Variants in FMO4 observed in about 807,000 individuals in gnomAD.
The protein encoded by FMO4 is flavin containing dimethylaniline monoxygenase 4.
Under a neutral mutation model 43.3 loss-of-function variants are expected in FMO4, and 38 were observed. That is an observed-to-expected ratio of 0.88 (90% CI 0.68 to 1.15). FMO4 has a LOEUF of 1.15. FMO4 is among the 50% of genes most tolerant of loss of function. The pLI is 0.00. For missense variants in FMO4, 631 were observed against 663.3 expected (o/e 0.95, Z 0.54); for synonymous variants, 224 against 232.2 (o/e 0.96, Z 0.32).
chr1:171,328,924 C>CA (rs3216452), intron 5 of FMO4, among the ~76,000 whole-genome samples: 27,489 of 151,028 alleles, frequency 0.18, 2,695 homozygotes, highest in African/African-American at 0.25. Context: ...CACCCAAAAA[C>CA]AAAAAAAAAT....
At chr1:171,321,059 A>AT (rs142389978) in intron 3 of FMO4, among the ~76,000 whole-genome samples, 6,663 of 152,088 alleles carry the variant, frequency 0.044, 458 homozygotes, top group African/African-American at 0.15. Context: ...GAAAAAAAAA[A>AT]TGGTATATTG....
chr1:171,322,964 T>C (rs766664419), intron 3 of FMO4, 40 bp from the exon 4 acceptor site: 1 of 1,504,284 alleles, frequency 6.6e-7, no homozygotes, highest in Non-Finnish European at 9.2e-7. Flanking sequence ...CTTCCTCCTA[T>C]CTCCATTATC....
rs1447416243 is a variant in FMO4, at chr1:171,337,394, G to C, written c.1219G>C (p.Glu407Gln). The change falls in exon 9 of 10, where the codon GAG (glutamate) becomes CAG (glutamine). Residue 407 changes from glutamate to glutamine, a missense_variant. Physicochemically the swap from Glu to Gln is conservative, Grantham distance 29 (BLOSUM62 2). Coordinates refer to ENST00000367749, the MANE Select transcript of FMO4 (RefSeq NM_002022.3). ...ACCTCCATCCCAAAAATTGATGATG[G>C]AGGCTACTGAAAAGGAACAGCTCAT... Reference protein sequence around the residue: ...KIPPSQKLMMEATEKEQLIKR... With the variant: ...KIPPSQKLMMQATEKEQLIKR... The C allele has an allele frequency of 6.2e-7, 1 of 1,612,908 alleles. No individual in the cohort carries two copies. The highest frequency in any genetic ancestry group is 1.3e-5 in the African/African-American group (1 of 74,876).
Position 171,341,723 on chromosome 1 carries a change from C to A in FMO4, c.1561C>A (p.Pro521Thr). The change falls in exon 10 of 10, where the codon CCT (proline) becomes ACT (threonine). Residue 521 changes from proline to threonine, a missense_variant. Transcript: ENST00000367749. ...MSHYLKAWGA[P>T]VLLASLLLIC... ...ACATTATTTAAAAGCCTGGGGGGCA[C>A]CTGTCCTACTTGCCTCTCTTCTACT... 6.2e-7 allele frequency: 1 copy of A among 1,613,828 alleles called. No individual in the cohort carries two copies. Among genetic ancestry groups the A allele is most frequent in the Non-Finnish European group, 8.5e-7 (1 of 1,179,906 alleles).
intron 8 of FMO4, among the ~76,000 whole-genome samples, chr1:171,335,140 T>G (rs1220277401): frequency 2.0e-5 from 3 of 152,218 alleles, no homozygotes; most frequent in Non-Finnish European, 2.9e-5. Flanking sequence ...TAATATACAC[T>G]ATGAATGAAG....
intron 2 of FMO4, among the ~76,000 whole-genome samples, chr1:171,318,486 A>G (rs1178775946): frequency 6.6e-6 from 1 of 152,030 alleles, no homozygotes; most frequent in Non-Finnish European, 1.5e-5. Flanking sequence ...CCCCATTTCT[A>G]TTTAAAAAAA....
At chr1:171,321,527 C>G (rs1001942871) in intron 3 of FMO4, among the ~76,000 whole-genome samples, 2 of 152,240 alleles carry the variant, frequency 1.3e-5, no homozygotes, top group Admixed American at 1.3e-4. Flanking sequence ...AGCTGTTACA[C>G]TGTAATGTTT....
intron 6 of FMO4, 60 bp downstream of exon 6, chr1:171,331,842 G>C: frequency 6.7e-7 from 1 of 1,496,486 alleles, no homozygotes; most frequent in Non-Finnish European, 9.2e-7. Flanking sequence ...GCTGGAAAGA[G>C]ATATTCAAAA....
chr1:171,334,643 C>T lies in FMO4; in HGVS notation c.1060C>T (p.Gln354Ter). ...TACAAAGAAGATATTTCTATACAAG[C>T]AAGTCTTTCCCTTAAACCTAGAGAG... ...LCTKKIFLYK[Q>*]VFPLNLERAT... The change falls in exon 8 of 10, where the codon CAA becomes TAA. Residue 354 changes from glutamine (Q) to a stop codon, truncating the protein, a stop_gained. Transcript: ENST00000367749. LOFTEE classifies it high-confidence loss of function. 1 of 1,613,092 alleles carries T rather than the reference C, an allele frequency of 6.2e-7. No individual in the cohort carries two copies. Among genetic ancestry groups the T allele is most frequent in the Non-Finnish European group, 8.5e-7 (1 of 1,179,078 alleles).
At chr1:171,338,198 A>G (rs1017945034) in intron 9 of FMO4, among the ~76,000 whole-genome samples, 1 of 151,884 alleles carries the variant, frequency 6.6e-6, no homozygotes, top group Non-Finnish European at 1.5e-5. Flanking sequence ...GCTCCTACCT[A>G]CCAAATAAAT....
chr1:171,327,451 T>G (rs1281950614), intron 5 of FMO4, among the ~76,000 whole-genome samples: 2 of 152,126 alleles, frequency 1.3e-5, no homozygotes, highest in East Asian at 1.9e-4. Context: ...GTTTTGTTTG[T>G]TTGGTTGGTT....
chr1:171,328,458 C>T (rs1017714255), intron 5 of FMO4, among the ~76,000 whole-genome samples: 1 of 152,058 alleles, frequency 6.6e-6, no homozygotes, highest in Non-Finnish European at 1.5e-5. Flanking sequence ...TGAGACCAGC[C>T]TGGACAACAT....
chr1:171,328,510 C>A lies in FMO4; in HGVS notation c.485-3130C>A, dbSNP rs144863109. ...GCTAAAAATACAAAAATTATCCGGG[C>A]ATGGTGGCACGCACCTGTAATCCCA... On this transcript the variant is annotated intron_variant, in intron 5 of 9. Transcript: ENST00000367749. 3.6e-3 allele frequency among the ~76,000 whole-genome samples: 545 copies of A among 152,162 alleles called. 3 individuals are homozygous for A. The highest frequency in any genetic ancestry group is 0.012 in the African/African-American group (502 of 41,550).
intron 5 of FMO4, 136 bp downstream of exon 5, chr1:171,324,436 ATTACT>A (rs1012591844): frequency 9.4e-5 from 60 of 636,760 alleles, no homozygotes; most frequent in African/African-American, 9.0e-4. Context: ...TATGTGCAAA[ATTACT>A]TTAAAAGTTG....
chr1:171,328,478 T>C (rs772608317), intron 5 of FMO4, among the ~76,000 whole-genome samples: 1 of 152,012 alleles, frequency 6.6e-6, no homozygotes, highest in Non-Finnish European at 1.5e-5. Flanking sequence ...TGCGAAACAC[T>C]GTCTCTGCTA....
chr1:171,329,633 G>A (rs758343235), intron 5 of FMO4, among the ~76,000 whole-genome samples: 1 of 152,150 alleles, frequency 6.6e-6, no homozygotes, highest in South Asian at 2.1e-4. Flanking sequence ...CAAACATGAA[G>A]GTCTCGCTCA....
At chr1:171,332,072 C>G (rs1014564150) in intron 6 of FMO4, among the ~76,000 whole-genome samples, 2 of 152,128 alleles carry the variant, frequency 1.3e-5, no homozygotes, top group African/African-American at 4.8e-5. Flanking sequence ...GAAACAAGAC[C>G]ATATAGGCAA....
chr1:171,325,817 C>CTTTTTTTTTTTTTTTTTTTTT lies in FMO4; in HGVS notation c.484+1545_484+1565dup, dbSNP rs869107866. Among the ~76,000 whole-genome samples, 3 of 51,032 alleles carry CTTTTTTTTTTTTTTTTTTTTT rather than the reference C, an allele frequency of 5.9e-5. 1 individual carries two copies. Among genetic ancestry groups the CTTTTTTTTTTTTTTTTTTTTT allele is most frequent in the Non-Finnish European group, 1.2e-4 (3 of 24,830 alleles). The allele number at this position is 51,032 out of a possible 152,430, so 33.5% of individuals were successfully genotyped here. On this transcript the variant is annotated intron_variant, in intron 5 of 9. Coordinates refer to ENST00000367749, the MANE Select transcript of FMO4 (RefSeq NM_002022.3). ...TAAATTCAGTTCCACATAGACTATC[C>CTTTTTTTTTTTTTTTTTTTTT]TTTTTTTTTTTTTTTTTTTTTTTTT... is the stretch of plus-strand genomic sequence containing the variant.
Position 171,341,465 on chromosome 1 carries a change from G to T in FMO4, c.1303G>T (p.Asp435Tyr), listed in dbSNP as rs774083463. Residue 435 changes from aspartate to tyrosine, a missense_variant, in exon 10 of 10, where the codon GAT becomes TAT. By Grantham distance (160) the Asp-to-Tyr change is radical. Transcript: ENST00000367749. ...CAAATTTGACTACATTGCCTACATG[G>T]ATGATATCGCTGCCTGCATAGGCAC... ...KDKFDYIAYM[D>Y]DIAACIGTKP... The T allele has an allele frequency of 1.9e-6, 3 of 1,613,918 alleles. No homozygotes were observed. The East Asian group carries it at 6.7e-5, about 36-fold the overall frequency.
Sources: gnomAD v4.1 joint callset for allele counts (sites outside exome capture counted in the v4.1 genomes callset) on GRCh38, gnomAD v4.1.1 for gene constraint, MANE v1.5 for transcripts, NCBI Gene and HGNC (gene_info 2026-07-23, HGNC 2026-07-21) for gene names.